SPACA6: variants seen among roughly 807,000 people sequenced by gnomAD.
The protein encoded by SPACA6 is sperm acrosome associated 6, also known as sperm acrosome membrane-associated protein 6.
For missense variants in SPACA6, 8 were observed against 2.8 expected, an observed-to-expected ratio of 2.88 and a Z score of -1.34; for synonymous variants, 6 against 1.5, an observed-to-expected ratio of 4.05 and a Z score of -2.21.
chr19:51,699,970 A>C (rs78652800), intron 2 of SPACA6, among the ~76,000 whole-genome samples: 4,929 of 152,188 alleles, frequency 0.032, 108 homozygotes, highest in East Asian at 0.1. Flanking sequence ...GTCAAAACAC[A>C]AGGCCAGGCA....
downstream of SPACA6, among the ~76,000 whole-genome samples, chr19:51,709,614 C>CAAAAAAAAAAA (rs56844884): frequency 1.1e-5 from 1 of 93,180 alleles, no homozygotes; most frequent in Non-Finnish European, 2.1e-5. Context: ...GACTCTGTCA[C>CAAAAAAAAAAA]AAAAAAAAAA....
rs566341389 is a variant in SPACA6, at chr19:51,710,635, A to G, written n.200-1398A>G. ...AGTCTGGTCTGAAGATCTGTTTGGG[A>G]GTCCCGTCTCCATACATGGAGCATG... On this transcript the variant is annotated intron_variant and non_coding_transcript_variant, in intron 2 of 2. Coordinates refer to the SPACA6 transcript ENST00000573896. Among the ~76,000 whole-genome samples, 10 of 152,298 alleles carry G rather than the reference A, an allele frequency of 6.6e-5. No homozygotes were observed. The South Asian group carries it at 2.1e-3, about 32-fold the overall frequency.
At chr19:51,702,475 C>T (rs1320157058) in intron 3 of SPACA6, 154 bp from the exon 4 acceptor site, 3 of 394,186 alleles carry the variant, frequency 7.6e-6, no homozygotes, top group Non-Finnish European at 1.3e-5. Context: ...CCAGGTGGAA[C>T]CCAGCCGGCT....
intron 8 of SPACA6, 24 bp downstream of exon 8, chr19:51,704,504 C>T (rs1262465496): frequency 2.5e-6 from 1 of 400,916 alleles, no homozygotes; most frequent in Admixed American, 4.4e-5. Context: ...ACTCCGGAGC[C>T]CCAGCATCTA....
chr19:51,704,328 G>C lies in SPACA6; in HGVS notation c.789G>C (p.Leu263=). 2.5e-6 allele frequency: 1 copy of C among 400,832 alleles called. No homozygotes were observed. The highest frequency in any genetic ancestry group is 3.6e-5 in the East Asian group (1 of 28,030). The allele number at this position is 400,832 out of a possible 1,614,324, so 24.8% of individuals were successfully genotyped here. Residue 263 remains leucine, a synonymous_variant, in exon 8 of 9, where the codon CTG becomes CTC. Coordinates refer to ENST00000637797, the MANE Select transcript of SPACA6 (RefSeq NM_001316972.2). ...TGCAGGCCTCGTTCCGGGAAGTGCT[G>C]CGCTGGGCGCCGCGGGATGCCGAGC... ...TELQASFREV[L]RWAPRDAELI... is the part of the protein sequence containing the mutation.
intron 3 of SPACA6, among the ~76,000 whole-genome samples, chr19:51,701,943 A>G (rs1188350338): frequency 6.6e-6 from 1 of 152,170 alleles, no homozygotes; most frequent in Non-Finnish European, 1.5e-5. Context: ...GTGGTAACGC[A>G]TGCTTGTAAT....
At chr19:51,706,716 A>G (rs62106947), downstream of SPACA6, among the ~76,000 whole-genome samples, 9,955 of 151,910 alleles carry the variant, frequency 0.066, 502 homozygotes, top group Admixed American at 0.14. Flanking sequence ...CTGGAGTGCA[A>G]TGGTGCGATG....
At chr19:51,688,852 G>A (rs566650618), upstream of SPACA6, among the ~76,000 whole-genome samples, 1 of 150,840 alleles carries the variant, frequency 6.6e-6, no homozygotes, top group South Asian at 2.1e-4. Flanking sequence ...ACACAGAGAG[G>A]CAGCAAAAGC....
At chr19:51,712,350 G>A (rs1409916499) in exon 3 of SPACA6, 2 of 152,186 alleles carry the variant, frequency 1.3e-5, no homozygotes, top group Non-Finnish European at 2.9e-5. Context: ...CTCTGTGCGA[G>A]ATAAATTGGA....
chr19:51,708,760 G>T (rs1003413143), downstream of SPACA6, among the ~76,000 whole-genome samples: 1 of 152,092 alleles, frequency 6.6e-6, no homozygotes, highest in South Asian at 2.1e-4. Context: ...CTGGGAGGCA[G>T]AAGTTGCAGT....
rs747957210 is a variant in SPACA6, at chr19:51,703,373, C to A, written c.573+36C>A. On this transcript the variant is annotated intron_variant, in intron 6 of 8. Coordinates refer to ENST00000637797, the MANE Select transcript of SPACA6 (RefSeq NM_001316972.2). The surrounding 1 kb of genome is among the most constrained non-coding windows in gnomAD (Gnocchi z 4.2). ...GCGGGGCCGGCGCGAAGAGTTTAGA[C>A]GGGCGAGTTAGCCTTCACTAGAGGT... 3.3e-5 allele frequency: 13 copies of A among 399,074 alleles called. No homozygotes were observed. Among genetic ancestry groups the A allele is most frequent in the Non-Finnish European group, 5.3e-5 (12 of 226,052 alleles). 24.7% of individuals were successfully genotyped at this position (399,074 alleles called of 1,614,324 possible).
chr19:51,688,154 A>G (rs1424329177), upstream of SPACA6: 1 of 152,498 alleles, frequency 6.6e-6, no homozygotes, highest in Non-Finnish European at 1.5e-5. Context: ...ACTCCCTAAG[A>G]ATCTGACCCC....
chr19:51,702,975 C>G (rs1600142625), intron 4 of SPACA6, 46 bp from the exon 5 acceptor site: 1 of 399,188 alleles, frequency 2.5e-6, no homozygotes. Flanking sequence ...GGGCCCCGGG[C>G]TTGGAAGGGC....
chr19:51,711,381 G>A lies in SPACA6; in HGVS notation n.200-652G>A, dbSNP rs111407070. The stretch of plus-strand genomic sequence containing the variant: ...CCAGGAAGGCTGTAATCAAAAAGTC[G>A]GGTAATACAAAATGTAGCAAGGGTG... On this transcript the variant is annotated intron_variant and non_coding_transcript_variant, in intron 2 of 2. Coordinates refer to the SPACA6 transcript ENST00000573896. Among the ~76,000 whole-genome samples, 14 of 152,182 alleles carry A rather than the reference G, an allele frequency of 9.2e-5. 1 individual carries two copies. The highest frequency in any genetic ancestry group is 2.6e-4 in the African/African-American group (11 of 41,524).
At chr19:51,690,563 T>G (rs1158446729), upstream of SPACA6, among the ~76,000 whole-genome samples, 1 of 152,010 alleles carries the variant, frequency 6.6e-6, no homozygotes, top group Non-Finnish European at 1.5e-5. Context: ...TGTTTGGGTC[T>G]GCTCTCTGAC....
upstream of SPACA6, chr19:51,686,526 G>A (rs969706184): frequency 2.0e-5 from 3 of 152,222 alleles, no homozygotes; most frequent in African/African-American, 7.2e-5. Flanking sequence ...GTAAGTGAAA[G>A]TGAGGGGTCT....
chr19:51,697,943 G>T (rs1315710316), intron 2 of SPACA6, among the ~76,000 whole-genome samples: 1 of 152,142 alleles, frequency 6.6e-6, no homozygotes, highest in African/African-American at 2.4e-5. Flanking sequence ...TCCTAAGTTT[G>T]CCAGCCTTCT....
intron 6 of SPACA6, 24 bp from the exon 7 acceptor site, chr19:51,704,006 C>T (rs576599431): frequency 7.5e-6 from 3 of 400,780 alleles, no homozygotes; most frequent in African/African-American, 6.2e-5. Flanking sequence ...GGAGTTGAGG[C>T]GTTTAAACCC....
intron 1 of SPACA6, 148 bp from the exon 2 acceptor site, chr19:51,694,330 G>C (rs1211924291): frequency 7.6e-6 from 3 of 393,230 alleles, no homozygotes; most frequent in Non-Finnish European, 1.3e-5. Flanking sequence ...GAGGGACTCA[G>C]GAAGCATAGC....
Sources: gnomAD v4.1 joint callset for allele counts (sites outside exome capture counted in the v4.1 genomes callset) on GRCh38, gnomAD v4.1.1 for gene constraint, Gnocchi (gnomAD v3.1) non-coding constraint, MANE v1.5 for transcripts, NCBI Gene and HGNC (gene_info 2026-07-23, HGNC 2026-07-21) for gene names.